Variants in CCDC38 observed in about 807,000 individuals in gnomAD.
CCDC38 encodes the protein coiled-coil domain containing 38.
Under a neutral mutation model 72.8 loss-of-function variants are expected in CCDC38, and 69 were observed. That is an observed-to-expected ratio of 0.95 (90% CI 0.78 to 1.16). CCDC38 has a LOEUF of 1.16. Among genes scored for constraint, CCDC38 ranks in the 50% most tolerant of loss-of-function variants. The pLI is 0.00. For synonymous variants in CCDC38, 201 were observed against 213.2 expected (o/e 0.94, Z 0.50); for missense variants, 626 against 638.9 (o/e 0.98, Z 0.22).
At chr12:95,932,414 G>A (rs2080347457) in intron 2 of CCDC38, among the ~76,000 whole-genome samples, 1 of 151,576 alleles carries the variant, frequency 6.6e-6, no homozygotes, top group African/African-American at 2.4e-5. Context: ...ATTTTTTGGT[G>A]TTGTTTCTGG....
chr12:95,888,165 CA>C (rs2079781121), intron 10 of CCDC38, among the ~76,000 whole-genome samples: 1 of 152,166 alleles, frequency 6.6e-6, no homozygotes, highest in Non-Finnish European at 1.5e-5. Flanking sequence ...ATTGCAAACA[CA>C]CAGGCTAGCA....
At chr12:95,888,021 G>A (rs1265528417) in intron 10 of CCDC38, among the ~76,000 whole-genome samples, 1 of 152,114 alleles carries the variant, frequency 6.6e-6, no homozygotes, top group Non-Finnish European at 1.5e-5. Flanking sequence ...AGCTCTCTTG[G>A]GGTAGTAAGG....
At chr12:95,896,367 C>A (rs1316523800) in intron 7 of CCDC38, among the ~76,000 whole-genome samples, 1 of 152,114 alleles carries the variant, frequency 6.6e-6, no homozygotes, top group Non-Finnish European at 1.5e-5. Flanking sequence ...ACAAAGTGGA[C>A]AAAGAGGGAT....
intron 7 of CCDC38, among the ~76,000 whole-genome samples, chr12:95,896,055 CAAAAAAAAAAA>C (rs1169899419): frequency 4.4e-4 from 32 of 73,060 alleles, no homozygotes; most frequent in African/African-American, 1.5e-3. Flanking sequence ...GACTCTGTCT[CAAAAAAAAAAA>C]AAAAAAAAAG....
Position 95,921,632 on chromosome 12 carries a change from C to T in CCDC38, c.38-2656G>A, listed in dbSNP as rs148965794. On this transcript the variant is annotated intron_variant, in intron 2 of 15. Transcript: ENST00000344280. The stretch of plus-strand genomic sequence containing the variant: ...TCTCTCCCTCAACACATGGGGATTA[C>T]GGGTCCCTCCTTTGACATGTGGGGT... 1.2e-4 allele frequency among the ~76,000 whole-genome samples: 18 copies of T among 152,174 alleles called. No individual in the cohort carries two copies. The East Asian group carries it at 1.7e-3, about 15-fold the overall frequency.
intron 15 of CCDC38, among the ~76,000 whole-genome samples, chr12:95,867,713 A>G (rs939067176): frequency 3.3e-5 from 5 of 152,166 alleles, no homozygotes; most frequent in East Asian, 3.9e-4. Flanking sequence ...GTTCATACCT[A>G]TTCATTCTCT....
In CCDC38 at chr12:95,890,830, A is replaced by G. The variant is rs2079817092; in HGVS notation, c.871+2T>C. On this transcript the variant is annotated splice_donor_variant, in intron 9 of 15. Coordinates refer to ENST00000344280, the MANE Select transcript of CCDC38 (RefSeq NM_182496.3). LOFTEE classifies it high-confidence loss of function. Reference sequence around the variant, plus strand: ...TTTCATGAGTCCCAAATCTACCTTTACCTTGGCTGTCTCTTCCCTGAGAAG... The same window carrying G: ...TTTCATGAGTCCCAAATCTACCTTTGCCTTGGCTGTCTCTTCCCTGAGAAG... 1 of 1,574,858 alleles carries G rather than the reference A, an allele frequency of 6.3e-7. No homozygotes were observed. The highest frequency in any genetic ancestry group is 1.4e-5 in the African/African-American group (1 of 73,772).
intron 4 of CCDC38, among the ~76,000 whole-genome samples, chr12:95,914,166 A>G (rs1161695033): frequency 6.6e-6 from 1 of 152,160 alleles, no homozygotes; most frequent in African/African-American, 2.4e-5. Context: ...TCTACTAAAA[A>G]TACAAAAAAT....
intron 10 of CCDC38, among the ~76,000 whole-genome samples, chr12:95,882,544 A>C (rs939067391): frequency 2.0e-5 from 3 of 152,206 alleles, no homozygotes; most frequent in African/African-American, 7.2e-5. Flanking sequence ...AAGTGTGGGA[A>C]AACAGAAAGG....
In CCDC38 at chr12:95,929,513, G is replaced by A. The variant is rs573671130; in HGVS notation, c.37+6960C>T. ...ATCACCTGTCTTCTGCGTTGCTCAC[G>A]CTGGGAGCTGTAGACGGGAGCTGTT... On this transcript the variant is annotated intron_variant, in intron 2 of 15. Transcript: ENST00000344280. Among the ~76,000 whole-genome samples the A allele has an allele frequency of 9.9e-5, 15 of 152,272 alleles. No homozygotes were observed. The South Asian group carries it at 2.7e-3, about 27-fold the overall frequency.
At chr12:95,938,190 A>C (rs2080413905) in intron 1 of CCDC38, among the ~76,000 whole-genome samples, 1 of 152,248 alleles carries the variant, frequency 6.6e-6, no homozygotes, top group African/African-American at 2.4e-5. Flanking sequence ...TTTTCAAATG[A>C]CTGAACATTT....
chr12:95,880,044 G>A, intron 11 of CCDC38: 1 of 270,286 alleles, frequency 3.7e-6, no homozygotes, highest in Non-Finnish European at 6.9e-6. Context: ...GAAGAAGAGG[G>A]TGAGGAAAAG....
intron 8 of CCDC38, 125 bp from the exon 9 acceptor site, chr12:95,891,055 A>G (rs537978222): frequency 6.9e-6 from 4 of 582,642 alleles, no homozygotes; most frequent in Non-Finnish European, 6.1e-6. Context: ...GGACAGAAAT[A>G]TAAGTTGGAG....
chr12:95,929,794 G>A (rs935710390), intron 2 of CCDC38, among the ~76,000 whole-genome samples: 2 of 152,122 alleles, frequency 1.3e-5, no homozygotes, highest in South Asian at 2.1e-4. Context: ...CAACAGAAAT[G>A]TATTCTCTCC....
chr12:95,923,532 C>T (rs1018339488), intron 2 of CCDC38, among the ~76,000 whole-genome samples: 14 of 150,160 alleles, frequency 9.3e-5, no homozygotes, highest in Non-Finnish European at 1.9e-4. Flanking sequence ...TCCCAAGTGT[C>T]TTTTTTTTTT....
At chr12:95,921,961 G>A (rs1454946043) in intron 2 of CCDC38, among the ~76,000 whole-genome samples, 1 of 152,182 alleles carries the variant, frequency 6.6e-6, no homozygotes. Flanking sequence ...GGAAACATCA[G>A]CACTGGAATA....
chr12:95,898,616 T>G lies in CCDC38; in HGVS notation c.485A>C (p.Glu162Ala), dbSNP rs1481321217. 6.2e-7 allele frequency: 1 copy of G among 1,614,214 alleles called. No homozygotes were observed. Among genetic ancestry groups the G allele is most frequent in the Non-Finnish European group, 8.5e-7 (1 of 1,180,028 alleles). ...CTGGTCATTTTCTCGAAGGAACTCT[T>G]CAAAGGCCAGTGCATCATCTTGGAG... ...KKLQDDALAF[E>A]EFLRENDQRS... The change falls in exon 6 of 16, where the codon GAA (glutamate) becomes GCA (alanine). Residue 162 changes from glutamate (E) to alanine (A), a missense_variant. Physicochemically the swap from Glu to Ala is moderately radical, Grantham distance 107. Transcript: ENST00000344280.
chr12:95,935,803 G>A (rs747672108), intron 2 of CCDC38, among the ~76,000 whole-genome samples: 1 of 152,170 alleles, frequency 6.6e-6, no homozygotes, highest in Admixed American at 6.5e-5. Flanking sequence ...AGGAGGCTGG[G>A]CATGATAGCT....
At chr12:95,925,454 G>T (rs1022903571) in intron 2 of CCDC38, among the ~76,000 whole-genome samples, 10 of 152,200 alleles carry the variant, frequency 6.6e-5, no homozygotes, top group Admixed American at 1.3e-4. Flanking sequence ...AGACGATGGG[G>T]TTTTCTAGAT....
Sources: gnomAD v4.1 joint callset for allele counts (sites outside exome capture counted in the v4.1 genomes callset) on GRCh38, gnomAD v4.1.1 for gene constraint, MANE v1.5 for transcripts, NCBI Gene and HGNC (gene_info 2026-07-23, HGNC 2026-07-21) for gene names.